Variants in COL25A1 observed in about 807,000 individuals in gnomAD.
The protein encoded by COL25A1 is collagen alpha-1(XXV) chain.
Under a neutral mutation model 128.4 loss-of-function variants are expected in COL25A1, and 103 were observed. That is an observed-to-expected ratio of 0.80 (90% confidence interval 0.68 to 0.94). The LOEUF (loss-of-function observed/expected upper bound fraction) is 0.94, where lower values mean the gene tolerates loss of function less well. Among genes scored for constraint, COL25A1 ranks in the 40% least tolerant of loss-of-function variants. COL25A1 has a pLI of 0.00. For synonymous variants in COL25A1, 279 were observed against 277.2 expected, an observed-to-expected ratio of 1.01 and a Z score of -0.06; for missense variants, 745 against 840.0, an observed-to-expected ratio of 0.89 and a Z score of 1.40.
rs974253708 is a variant in COL25A1, at chr4:109,205,258, T to C, written c.367+95325A>G. On this transcript the variant is annotated intron_variant, in intron 3 of 37. Transcript: ENST00000399132. ...AATAGATTAAATATTTTCCACAGTA[T>C]GTTTCTGTGCTGGAGAATGCTGGTT... Among the ~76,000 whole-genome samples, 5 of 152,204 alleles carry C rather than the reference T, an allele frequency of 3.3e-5. No homozygotes were observed. The South Asian group carries it at 6.2e-4, about 19-fold the overall frequency.
chr4:108,929,604 G>A (rs548749578), intron 11 of COL25A1, among the ~76,000 whole-genome samples: 1 of 152,236 alleles, frequency 6.6e-6, no homozygotes, highest in African/African-American at 2.4e-5. Context: ...CACTTTGGGA[G>A]GCCCATGCAA....
chr4:108,898,989 A>ATC (rs1429483678), intron 15 of COL25A1, among the ~76,000 whole-genome samples, 165 bp downstream of exon 15: 123 of 144,406 alleles, frequency 8.5e-4, no homozygotes, highest in East Asian at 3.7e-3. Context: ...ATATCTATAT[A>ATC]TCTATATATC....
intron 6 of COL25A1, among the ~76,000 whole-genome samples, chr4:109,001,834 G>A (rs966166849): frequency 1.3e-5 from 2 of 152,028 alleles, no homozygotes; most frequent in African/African-American, 4.8e-5. Flanking sequence ...GGAAGGGATG[G>A]GTCTGAACAT....
intron 3 of COL25A1, among the ~76,000 whole-genome samples, chr4:109,096,894 A>C (rs1232092019): frequency 6.6e-6 from 1 of 152,228 alleles, no homozygotes; most frequent in Non-Finnish European, 1.5e-5. Flanking sequence ...ATTGGCTTTA[A>C]TTCATGATTC....
intron 6 of COL25A1, among the ~76,000 whole-genome samples, chr4:108,998,665 T>G (rs1190726559): frequency 2.0e-5 from 3 of 152,230 alleles, no homozygotes; most frequent in African/African-American, 4.8e-5. Context: ...AAGACAATCC[T>G]AAGCAAAAAG....
At chr4:108,894,850 C>A (rs879154726) in intron 16 of COL25A1, among the ~76,000 whole-genome samples, 3 of 152,176 alleles carry the variant, frequency 2.0e-5, no homozygotes, top group Admixed American at 2.0e-4. Context: ...CAGCATGATA[C>A]TTAAATTTGG....
At chr4:109,014,870 A>G (rs981700864) in intron 5 of COL25A1, among the ~76,000 whole-genome samples, 4 of 152,236 alleles carry the variant, frequency 2.6e-5, no homozygotes, top group African/African-American at 9.6e-5. Context: ...AAAACTTGGA[A>G]TACACAACAC....
intron 3 of COL25A1, among the ~76,000 whole-genome samples, chr4:109,057,393 G>A (rs968192016): frequency 2.1e-5 from 3 of 140,400 alleles, no homozygotes; most frequent in African/African-American, 7.9e-5. Context: ...TTAGCCTCAC[G>A]AGTAGCTGGG....
chr4:109,114,488 T>C (rs1207207821), intron 3 of COL25A1, among the ~76,000 whole-genome samples: 1 of 151,776 alleles, frequency 6.6e-6, no homozygotes. Flanking sequence ...ACATCAGGAG[T>C]CATCCAGGTG....
intron 3 of COL25A1, among the ~76,000 whole-genome samples, chr4:109,146,878 T>C (rs1457340808): frequency 6.6e-6 from 1 of 152,240 alleles, no homozygotes; most frequent in East Asian, 1.9e-4. Flanking sequence ...AGTGTGTTCC[T>C]GGATTCTGCA....
chr4:109,013,588 G>T (rs989276517), intron 5 of COL25A1, among the ~76,000 whole-genome samples: 1 of 152,046 alleles, frequency 6.6e-6, no homozygotes. Context: ...CACCACGAAG[G>T]TCTGCAGCTT....
chr4:109,261,842 C>T (rs1232163682), intron 3 of COL25A1, among the ~76,000 whole-genome samples: 4 of 151,670 alleles, frequency 2.6e-5, no homozygotes, highest in Non-Finnish European at 5.9e-5. Context: ...GGACTACAGG[C>T]GCCTGCCACC....
At chr4:108,990,239 A>T (rs12503775) in intron 6 of COL25A1, among the ~76,000 whole-genome samples, 31 of 26,350 alleles carry the variant, frequency 1.2e-3, no homozygotes, top group East Asian at 9.8e-3. Flanking sequence ...AAAAAAAAAA[A>T]ATATATATAT....
At chr4:109,199,144 G>A (rs982246003) in intron 3 of COL25A1, among the ~76,000 whole-genome samples, 1 of 152,022 alleles carries the variant, frequency 6.6e-6, no homozygotes, top group African/African-American at 2.4e-5. Context: ...AGAATGCAAA[G>A]GATCTTTAGT....
chr4:109,118,326 T>C lies in COL25A1; in HGVS notation c.368-68147A>G, dbSNP rs540603315. On this transcript the variant is annotated intron_variant, in intron 3 of 37. Transcript: ENST00000399132. ...CAGTTAATAATAATATATTGTATAT[T>C]TCAAAATTGTTAAAATAATGCATTT... Among the ~76,000 whole-genome samples, 117 of 151,580 alleles carry C rather than the reference T, an allele frequency of 7.7e-4. 1 individual carries two copies. Among genetic ancestry groups the C allele is most frequent in the African/African-American group, 2.4e-3 (100 of 41,352 alleles).
intron 3 of COL25A1, among the ~76,000 whole-genome samples, chr4:109,123,478 G>T (rs1005311094): frequency 6.6e-6 from 1 of 151,748 alleles, no homozygotes; most frequent in East Asian, 1.9e-4. Context: ...GAGCTAAAGG[G>T]ATAAATAAAT....
rs1277084642 is a variant in COL25A1, at chr4:109,070,709, C to CGGTG, written c.368-20534_368-20531dup. On this transcript the variant is annotated intron_variant, in intron 3 of 37. Coordinates refer to ENST00000399132, the MANE Select transcript of COL25A1 (RefSeq NM_198721.4). The stretch of plus-strand genomic sequence containing the variant: ...CCCTCCCCCCACCCCACAACAGGCC[C>CGGTG]GGTGTGTGATGTTCCCCTTCCTATG... Among the ~76,000 whole-genome samples, 6 of 133,836 alleles carry CGGTG rather than the reference C, an allele frequency of 4.5e-5. No homozygotes were observed. In the Admixed American group the frequency reaches 5.0e-4, roughly 11 times the overall value. The allele number at this position is 133,836 out of a possible 152,430, so 87.8% of individuals were successfully genotyped here.
chr4:109,035,857 A>G (rs1285633768), intron 5 of COL25A1, among the ~76,000 whole-genome samples: 1 of 151,878 alleles, frequency 6.6e-6, no homozygotes, highest in Non-Finnish European at 1.5e-5. Flanking sequence ...TGCTCTTCAA[A>G]CTCTCTTCTC....
chr4:108,815,321 C>A (rs1354921807), intron 37 of COL25A1, among the ~76,000 whole-genome samples: 12 of 152,032 alleles, frequency 7.9e-5, no homozygotes, highest in Non-Finnish European at 1.3e-4. Context: ...GGGTGATACA[C>A]CCAAAAATAG....
Sources: gnomAD v4.1 joint callset for allele counts (sites outside exome capture counted in the v4.1 genomes callset) on GRCh38, gnomAD v4.1.1 for gene constraint, MANE v1.5 for transcripts, NCBI Gene and HGNC (gene_info 2026-07-23, HGNC 2026-07-21) for gene names.